SGMS1: variants seen among roughly 807,000 people sequenced by gnomAD.
SGMS1 encodes phosphatidylcholine:ceramide cholinephosphotransferase 1.
Under a neutral mutation model 46.2 loss-of-function variants are expected in SGMS1, and 13 were observed. The ratio of observed to expected loss-of-function variants is 0.28; its 90% CI spans 0.18 to 0.45. The LOEUF is 0.45. Ranked by LOEUF, SGMS1 falls within the 20% of genes least tolerant of loss-of-function variation. The pLI is 1.00. For missense variants in SGMS1, 324 were observed against 519.9 expected (o/e 0.62, Z 3.66); for synonymous variants, 203 against 187.8 (o/e 1.08, Z -0.66).
chr10:50,400,997 G>C (rs1452042380), intron 6 of SGMS1, among the ~76,000 whole-genome samples: 1 of 152,164 alleles, frequency 6.6e-6, no homozygotes, highest in Non-Finnish European at 1.5e-5. Context: ...CAATGGCAGA[G>C]ACACAAACTG....
chr10:50,605,027 G>A (rs768533094), intron 1 of SGMS1, among the ~76,000 whole-genome samples: 4 of 152,182 alleles, frequency 2.6e-5, no homozygotes, highest in Non-Finnish European at 5.9e-5. Context: ...GCCTATAACG[G>A]TACAAAACAT....
At chr10:50,547,938 A>C (rs1390102317) in intron 2 of SGMS1, among the ~76,000 whole-genome samples, 2 of 152,190 alleles carry the variant, frequency 1.3e-5, no homozygotes, top group African/African-American at 2.4e-5. Context: ...CTGAAGACAA[A>C]AACCACATAA....
chr10:50,320,590 G>A (rs539719129), intron 8 of SGMS1, among the ~76,000 whole-genome samples: 48 of 152,190 alleles, frequency 3.2e-4, no homozygotes, highest in Middle Eastern at 3.4e-3. Flanking sequence ...ATAGAACCAC[G>A]ACTCCTTAGT....
chr10:50,372,629 C>T (rs1848457326), intron 6 of SGMS1, among the ~76,000 whole-genome samples: 1 of 151,876 alleles, frequency 6.6e-6, no homozygotes, highest in South Asian at 2.1e-4. Context: ...GGAGGTGGAG[C>T]TTGCAGTGAG....
Position 50,592,357 on chromosome 10 carries a change from C to G in SGMS1, c.-683-2110G>C, listed in dbSNP as rs375075052. On this transcript the variant is annotated intron_variant, in intron 1 of 10. Transcript: ENST00000361781. ...CGTTGCATAGATTTTTAAGCTAAGGCCCCTGTCCTTGCTTGCCTAGGTCAT... is the reference window on the plus strand; with the variant it reads ...CGTTGCATAGATTTTTAAGCTAAGGGCCCTGTCCTTGCTTGCCTAGGTCAT... Among the ~76,000 whole-genome samples the G allele has an allele frequency of 3.0e-4, 45 of 152,134 alleles. No homozygotes were observed. In the East Asian group the frequency reaches 3.1e-3, roughly 10 times the overall value.
intron 3 of SGMS1, among the ~76,000 whole-genome samples, chr10:50,474,453 G>A (rs547561292): frequency 6.6e-6 from 1 of 152,044 alleles, no homozygotes; most frequent in Non-Finnish European, 1.5e-5. Flanking sequence ...CTCAGTACAG[G>A]CACCCTGAGA....
At chr10:50,351,019 G>C (rs1336751083) in intron 6 of SGMS1, among the ~76,000 whole-genome samples, 2 of 152,188 alleles carry the variant, frequency 1.3e-5, no homozygotes, top group Non-Finnish European at 2.9e-5. Context: ...GCCAGTCCAT[G>C]AAATCAGCCG....
chr10:50,389,364 T>C (rs1848732171), intron 6 of SGMS1, among the ~76,000 whole-genome samples: 1 of 152,230 alleles, frequency 6.6e-6, no homozygotes, highest in Non-Finnish European at 1.5e-5. Flanking sequence ...TTAAAAAATA[T>C]ATGCTGTATT....
chr10:50,469,997 A>G (rs1837364499), intron 3 of SGMS1, among the ~76,000 whole-genome samples: 1 of 152,146 alleles, frequency 6.6e-6, no homozygotes, highest in African/African-American at 2.4e-5. Flanking sequence ...GGCCAATCTG[A>G]TTGATCAACA....
chr10:50,599,746 C>T (rs1169942191), intron 1 of SGMS1, among the ~76,000 whole-genome samples: 1 of 152,028 alleles, frequency 6.6e-6, no homozygotes, highest in African/African-American at 2.4e-5. Flanking sequence ...GCCTAAAATC[C>T]CAGCTACTCA....
At chr10:50,428,972 C>A (rs1475096643) in intron 6 of SGMS1, among the ~76,000 whole-genome samples, 8 of 152,050 alleles carry the variant, frequency 5.3e-5, no homozygotes, top group Non-Finnish European at 1.2e-4. Context: ...GTAAAATAAT[C>A]CAACAAAAAA....
At chr10:50,427,849 C>T (rs377373288) in intron 6 of SGMS1, among the ~76,000 whole-genome samples, 11 of 152,134 alleles carry the variant, frequency 7.2e-5, no homozygotes, top group African/African-American at 2.7e-4. Flanking sequence ...GAATTCAAAC[C>T]TTATTTGAAT....
chr10:50,383,814 CTA>C (rs1354867821), intron 6 of SGMS1, among the ~76,000 whole-genome samples: 2 of 152,178 alleles, frequency 1.3e-5, no homozygotes, highest in South Asian at 2.1e-4. Flanking sequence ...AAAATAAAGA[CTA>C]TGTAATAGAA....
chr10:50,497,249 T>C (rs1172492598), intron 3 of SGMS1, among the ~76,000 whole-genome samples: 1 of 152,252 alleles, frequency 6.6e-6, no homozygotes, highest in African/African-American at 2.4e-5. Flanking sequence ...CAAAGTTGTC[T>C]AATAAGGATC....
chr10:50,521,947 T>A (rs1837860718), intron 2 of SGMS1, among the ~76,000 whole-genome samples: 1 of 152,130 alleles, frequency 6.6e-6, no homozygotes, highest in Non-Finnish European at 1.5e-5. Flanking sequence ...GGAAGACACT[T>A]TAAGACCATG....
rs187642238 is a variant in SGMS1, at chr10:50,556,932, A to G, written c.-589+33221T>C. The stretch of plus-strand genomic sequence containing the variant: ...GAGTGTGCAGAAGAGAAGAGCCCCA[A>G]TCCAATCACTCAGTCTTCCTTGTAG... On this transcript the variant is annotated intron_variant, in intron 2 of 10. Coordinates refer to ENST00000361781, the MANE Select transcript of SGMS1 (RefSeq NM_147156.4). 4.8e-4 allele frequency among the ~76,000 whole-genome samples: 73 copies of G among 152,294 alleles called. 1 individual carries two copies. The highest frequency in any genetic ancestry group is 1.6e-3 in the African/African-American group (68 of 41,570).
intron 6 of SGMS1, among the ~76,000 whole-genome samples, chr10:50,370,767 A>G (rs1388468067): frequency 6.6e-6 from 1 of 151,430 alleles, no homozygotes; most frequent in African/African-American, 2.4e-5. Context: ...AGACACAAAC[A>G]TACACATTAG....
intron 1 of SGMS1, among the ~76,000 whole-genome samples, chr10:50,617,667 C>T (rs1838810644): frequency 6.6e-6 from 1 of 152,032 alleles, no homozygotes; most frequent in Admixed American, 6.6e-5. Context: ...CTGCAAACTC[C>T]GCCTCCTGAG....
intron 3 of SGMS1, among the ~76,000 whole-genome samples, chr10:50,508,790 C>T (rs765063014): frequency 8.5e-5 from 13 of 152,190 alleles, no homozygotes; most frequent in Non-Finnish European, 1.5e-4. Flanking sequence ...TTTCTGTCTT[C>T]CACACTAGAC....
Sources: gnomAD v4.1 joint callset for allele counts (sites outside exome capture counted in the v4.1 genomes callset) on GRCh38, gnomAD v4.1.1 for gene constraint, MANE v1.5 for transcripts, NCBI Gene and HGNC (gene_info 2026-07-23, HGNC 2026-07-21) for gene names.